The following DUSP29 variants were observed in gnomAD, a reference collection of about 807,000 sequenced individuals.
The protein encoded by DUSP29 is dual specificity phosphatase 29.
DUSP29 carries 12 observed loss-of-function variants against 13.5 expected under a neutral mutation model. That is an observed-to-expected ratio of 0.89 (90% CI 0.57 to 1.44). The LOEUF (loss-of-function observed/expected upper bound fraction) is 1.44, where lower values mean the gene tolerates loss of function less well. Among genes scored for constraint, DUSP29 ranks in the 40% most tolerant of loss-of-function variants. The pLI is 0.00. For missense variants in DUSP29, 308 were observed against 301.1 expected, an observed-to-expected ratio of 1.02 and a Z score of -0.17; for synonymous variants, 134 against 128.7, an observed-to-expected ratio of 1.04 and a Z score of -0.28.
intron 2 of DUSP29, among the ~76,000 whole-genome samples, chr10:75,047,541 G>A (rs1846731812): frequency 6.6e-6 from 1 of 152,230 alleles, no homozygotes; most frequent in Non-Finnish European, 1.5e-5. Flanking sequence ...ATTTTGAGGT[G>A]ATGGGCATGG....
At chr10:75,053,433 A>G (rs1221005712) in intron 2 of DUSP29, among the ~76,000 whole-genome samples, 1 of 152,250 alleles carries the variant, frequency 6.6e-6, no homozygotes, top group Admixed American at 6.5e-5. Flanking sequence ...TACTTGCCAG[A>G]TACTACTCTA....
chr10:75,068,583 G>T (rs548608255), intron 1 of DUSP29, among the ~76,000 whole-genome samples: 42 of 152,256 alleles, frequency 2.8e-4, no homozygotes, highest in African/African-American at 9.9e-4. Flanking sequence ...GGGAAAGCTG[G>T]TCTGTGTTTA....
At chr10:75,053,626 A>G (rs1401571226) in intron 2 of DUSP29, among the ~76,000 whole-genome samples, 1 of 150,780 alleles carries the variant, frequency 6.6e-6, no homozygotes, top group Non-Finnish European at 1.5e-5. Context: ...TCCCTGTTAC[A>G]TTTCTACCCA....
At chr10:75,071,090 C>A (rs116282691) in intron 1 of DUSP29, among the ~76,000 whole-genome samples, 2 of 152,192 alleles carry the variant, frequency 1.3e-5, no homozygotes, top group Admixed American at 6.5e-5. Flanking sequence ...GGCACCAGAG[C>A]AAAGGGGCTA....
chr10:75,044,159 C>T, intron 2 of DUSP29, 142 bp from the exon 3 acceptor site: 1 of 816,766 alleles, frequency 1.2e-6, no homozygotes, highest in Non-Finnish European at 1.9e-6. Flanking sequence ...CAAAGCTCTG[C>T]TCTTACCCGG....
chr10:75,040,500 A>G (rs1846558989), intron 3 of DUSP29, among the ~76,000 whole-genome samples: 1 of 152,258 alleles, frequency 6.6e-6, no homozygotes, highest in African/African-American at 2.4e-5. Flanking sequence ...TTCCTGTGAC[A>G]GTATTTTGTG....
intron 1 of DUSP29, among the ~76,000 whole-genome samples, chr10:75,065,619 G>T (rs993971295): frequency 4.0e-5 from 6 of 151,898 alleles, no homozygotes; most frequent in African/African-American, 9.7e-5. Context: ...ATGAGCCACC[G>T]CGCCCAGCCA....
chr10:75,037,957 C>A lies in DUSP29; in HGVS notation c.542G>T (p.Arg181Leu). 4 of 1,613,956 alleles carry A rather than the reference C, an allele frequency of 2.5e-6. No individual in the cohort carries two copies. Among genetic ancestry groups the A allele is most frequent in the Non-Finnish European group, 3.4e-6 (4 of 1,180,034 alleles). Residue 181 changes from arginine (R) to leucine (L), a missense_variant, in exon 4 of 4, where the codon CGC (arginine) becomes CTC (leucine). Transcript: ENST00000338487. ...VDAIQQVAKNRCVLPNRGFLK... is the reference protein window; with the variant it reads ...VDAIQQVAKNLCVLPNRGFLK... Reference sequence around the variant, plus strand: ...AAAGCCCCGGTTCGGGAGGACGCAGCGGTTCTTGGCCACTTGCTGGATGGC... The same window carrying A: ...AAAGCCCCGGTTCGGGAGGACGCAGAGGTTCTTGGCCACTTGCTGGATGGC...
At chr10:75,040,354 G>A (rs566588031) in intron 3 of DUSP29, among the ~76,000 whole-genome samples, 110 of 152,272 alleles carry the variant, frequency 7.2e-4, no homozygotes, top group African/African-American at 1.0e-3. Context: ...AAAGGAGAGC[G>A]TGATACTAAA....
rs142480444 is a variant in DUSP29, at chr10:75,066,418, G to A, written c.-35+7151C>T. On this transcript the variant is annotated intron_variant, in intron 1 of 3. Transcript: ENST00000338487. ...AAAGGGAAAGAGGCTGGCGCTGGCA[G>A]AGAGAGAAAGCAGAAGTTTGTGAAG... 6.6e-5 allele frequency among the ~76,000 whole-genome samples: 10 copies of A among 152,286 alleles called. No individual in the cohort carries two copies. The East Asian group carries it at 1.7e-3, about 26-fold the overall frequency.
chr10:75,046,020 G>T (rs900919167), intron 2 of DUSP29, among the ~76,000 whole-genome samples: 1 of 152,114 alleles, frequency 6.6e-6, no homozygotes, highest in Admixed American at 6.5e-5. Flanking sequence ...GGAGGCTGAA[G>T]TGGGAGGATC....
At chr10:75,063,110 C>T (rs1847125679) in intron 1 of DUSP29, among the ~76,000 whole-genome samples, 1 of 152,156 alleles carries the variant, frequency 6.6e-6, no homozygotes, top group African/African-American at 2.4e-5. Context: ...AGGCAAGAGA[C>T]ATTAGGGAGT....
intron 2 of DUSP29, among the ~76,000 whole-genome samples, chr10:75,052,339 G>T (rs1004090674): frequency 8.0e-6 from 1 of 125,682 alleles, no homozygotes; most frequent in Non-Finnish European, 1.6e-5. Context: ...ACGGAGTTTC[G>T]CTTTGTCACC....
chr10:75,044,489 T>C (rs759023895), intron 2 of DUSP29, among the ~76,000 whole-genome samples: 57 of 152,094 alleles, frequency 3.7e-4, no homozygotes, highest in Non-Finnish European at 6.0e-4. Context: ...CATAAGAGGA[T>C]TGGATTGGGA....
intron 2 of DUSP29, among the ~76,000 whole-genome samples, chr10:75,056,317 C>T (rs1174904298): frequency 1.3e-5 from 2 of 151,972 alleles, no homozygotes; most frequent in Non-Finnish European, 2.9e-5. Flanking sequence ...CACCTGAGTT[C>T]AGGAGTTGGA....
chr10:75,058,371 G>A lies in DUSP29; in HGVS notation c.144C>T (p.Gly48=), dbSNP rs979244194. 4 of 1,614,088 alleles carry A rather than the reference G, an allele frequency of 2.5e-6. No individual in the cohort carries two copies. The African/African-American group carries it at 5.3e-5, about 22-fold the overall frequency. ...CGTTGACGTGGGTGTACTGGGGACT[G>A]CCCTTCCAGAAGAGCCGCTCCAGCT... is the stretch of plus-strand genomic sequence containing the variant. ...AFELERLFWK[G]SPQYTHVNEV... Residue 48 remains glycine, a synonymous_variant, in exon 2 of 4, where the codon GGC becomes GGT. Coordinates refer to ENST00000338487, the MANE Select transcript of DUSP29 (RefSeq NM_001003892.3).
At chr10:75,049,711 C>T (rs914351081) in intron 2 of DUSP29, among the ~76,000 whole-genome samples, 1 of 152,252 alleles carries the variant, frequency 6.6e-6, no homozygotes, top group Non-Finnish European at 1.5e-5. Context: ...TGCCTTAAGG[C>T]GGAATTAGTT....
chr10:75,052,320 T>TTC (rs1472289012), intron 2 of DUSP29, among the ~76,000 whole-genome samples: 2 of 150,414 alleles, frequency 1.3e-5, no homozygotes, highest in African/African-American at 4.9e-5. Flanking sequence ...TTTTTTTTTT[T>TTC]TTCTTGAGAC....
At chr10:75,064,052 C>CT (rs921669025) in intron 1 of DUSP29, among the ~76,000 whole-genome samples, 165 of 145,948 alleles carry the variant, frequency 1.1e-3, no homozygotes, top group Admixed American at 2.5e-3. Context: ...CTAGTTCAGA[C>CT]TTTTTTTTTT....
Sources: allele counts gnomAD v4.1 joint callset (sites outside exome capture counted in the v4.1 genomes callset), GRCh38; gene constraint gnomAD v4.1.1; transcripts MANE v1.5; gene names NCBI Gene and HGNC (gene_info 2026-07-23, HGNC 2026-07-21).